Variants in PCDHGA6 observed in about 807,000 individuals in gnomAD.
PCDHGA6 encodes the protein protocadherin gamma subfamily A, 6.
In PCDHGA6, 41 loss-of-function variants were observed where a neutral mutation model predicts 60.6. That is an observed-to-expected ratio of 0.68 (90% CI 0.53 to 0.88). The LOEUF is 0.88. PCDHGA6 is among the 40% of genes least tolerant of loss of function. PCDHGA6 has a pLI of 0.00. For missense variants in PCDHGA6, 1,312 were observed against 1,203.0 expected (o/e 1.09, Z -1.34); for synonymous variants, 594 against 524.4 (o/e 1.13, Z -1.81).
At chr5:141,470,957 TCCTCCCACCTCAG>T (rs2099244488) in intron 1 of PCDHGA6, among the ~76,000 whole-genome samples, 1 of 152,026 alleles carries the variant, frequency 6.6e-6, no homozygotes, top group South Asian at 2.1e-4. Flanking sequence ...CCTCAAGTGA[TCCTCCCACCTCAG>T]CCTCCCAAAG....
intron 1 of PCDHGA6, chr5:141,399,730 T>G: frequency 2.5e-6 from 4 of 1,613,266 alleles, no homozygotes; most frequent in Non-Finnish European, 8.5e-7. Context: ...CGACCAGGGC[T>G]CGCCTGCGCT....
Position 141,511,002 on chromosome 5 carries a change from C to A in PCDHGA6, c.2628C>A (p.Ser876Arg), listed in dbSNP as rs143630962. The change falls in exon 4 of 4, where the codon AGC becomes AGA. Residue 876 changes from serine to arginine, a missense_variant. Physicochemically the swap from Ser to Arg is moderately radical, Grantham distance 110. Transcript: ENST00000517434. Reference protein sequence around the residue: ...LGGGAGTMGLSARYGPQFTLQ... With the variant: ...LGGGAGTMGLRARYGPQFTLQ... ...GGGGTGCCGGCACCATGGGATTGAG[C>A]GCCCGCTACGGACCCCAGTTCACCC... The A allele has an allele frequency of 8.7e-6, 14 of 1,614,140 alleles. No homozygotes were observed. The highest frequency in any genetic ancestry group is 1.2e-5 in the Non-Finnish European group (14 of 1,180,018).
intron 1 of PCDHGA6, chr5:141,399,623 C>A: frequency 6.2e-7 from 1 of 1,613,920 alleles, no homozygotes; most frequent in South Asian, 1.1e-5. Context: ...GCACTGGCCT[C>A]TTACGTGTCC....
In PCDHGA6 at chr5:141,419,638, C is replaced by T. The variant is rs191182165; in HGVS notation, c.2424+43131C>T. On this transcript the variant is annotated intron_variant, in intron 1 of 3. Coordinates refer to ENST00000517434, the MANE Select transcript of PCDHGA6 (RefSeq NM_018919.3). Reference sequence around the variant, plus strand: ...GCTACCTGGTGACCAAGGTGGTGGCCGTGGACGCGGACTCGGGGCACAATG... The same window carrying T: ...GCTACCTGGTGACCAAGGTGGTGGCTGTGGACGCGGACTCGGGGCACAATG... The T allele has an allele frequency of 4.9e-3, 7,979 of 1,612,456 alleles. 44 individuals are homozygous for T. Among genetic ancestry groups the T allele is most frequent in the Admixed American group, 9.5e-3 (568 of 60,000 alleles).
chr5:141,430,480 A>G (rs2097288752), intron 1 of PCDHGA6: 1 of 256,116 alleles, frequency 3.9e-6, no homozygotes, highest in Admixed American at 5.4e-5. Context: ...TTAAGATATA[A>G]AAACGAAATA....
At position 141,477,068 on chromosome 5, in the gene PCDHGA6, C is replaced by A; in HGVS notation, c.2425-17739C>A. 6.2e-7 allele frequency: 1 copy of A among 1,614,268 alleles called. No homozygotes were observed. The highest frequency in any genetic ancestry group is 8.5e-7 in the Non-Finnish European group (1 of 1,180,046). On this transcript the variant is annotated intron_variant, in intron 1 of 3. Transcript: ENST00000517434. This position sits in a 1 kb window ranked among gnomAD's most constrained non-coding sequence, Gnocchi z 4.9. ...GCTGGACTTCGAGGACACCAAACTCCATGAGATTTACATCCAGGCCAAAGA... is the reference window on the plus strand; with the variant it reads ...GCTGGACTTCGAGGACACCAAACTCAATGAGATTTACATCCAGGCCAAAGA...
intron 1 of PCDHGA6, among the ~76,000 whole-genome samples, chr5:141,455,959 G>T (rs112864392): frequency 0.11 from 16,680 of 150,504 alleles, 1,459 homozygotes; most frequent in African/African-American, 0.24. Context: ...GTGCAGTGGC[G>T]CGATCTCAGC....
Position 141,414,015 on chromosome 5 carries a change from A to T in PCDHGA6, c.2424+37508A>T. ...ACAGGGACGAAGGTGCCAATGGAGA[A>T]GTGACATATTCATTCCGAAAATTAC... On this transcript the variant is annotated intron_variant, in intron 1 of 3. Coordinates refer to ENST00000517434, the MANE Select transcript of PCDHGA6 (RefSeq NM_018919.3). 6.2e-7 allele frequency: 1 copy of T among 1,613,160 alleles called. No individual in the cohort carries two copies.
At chr5:141,498,346 C>T (rs780832000) in intron 2 of PCDHGA6, among the ~76,000 whole-genome samples, 1 of 150,796 alleles carries the variant, frequency 6.6e-6, no homozygotes, top group Non-Finnish European at 1.5e-5. Context: ...ATGGGAAAAG[C>T]CTATGCAAAA....
rs372054375 is a variant in PCDHGA6, at chr5:141,490,825, A to T, written c.2425-3982A>T. 9 of 1,613,692 alleles carry T rather than the reference A, an allele frequency of 5.6e-6. No individual in the cohort carries two copies. The highest frequency in any genetic ancestry group is 3.3e-4 in the Middle Eastern group (2 of 6,062). On this transcript the variant is annotated intron_variant, in intron 1 of 3. Transcript: ENST00000517434. This position sits in a 1 kb window ranked among gnomAD's most constrained non-coding sequence, Gnocchi z 5.4. ...TACCTTTGACTATGAATTGCTGCAG[A>T]TGCTGCAGATTGTGGTGGGGGTTCG... is the stretch of plus-strand genomic sequence containing the variant.
At chr5:141,409,893 A>G in intron 1 of PCDHGA6, 2 of 1,613,138 alleles carry the variant, frequency 1.2e-6, no homozygotes, top group Middle Eastern at 3.3e-4. Flanking sequence ...CGGGTGCTGT[A>G]CCCAGCTCTG....
chr5:141,487,661 C>A lies in PCDHGA6; in HGVS notation c.2425-7146C>A. ...ACAAATGCTTGAGGGTTATTCTGATCCAGGCATATGGCTAGGCCATGTCCT... is the reference window on the plus strand; with the variant it reads ...ACAAATGCTTGAGGGTTATTCTGATACAGGCATATGGCTAGGCCATGTCCT... On this transcript the variant is annotated intron_variant, in intron 1 of 3. Transcript: ENST00000517434. This position sits in a 1 kb window ranked among gnomAD's most constrained non-coding sequence, Gnocchi z 5.0. The A allele has an allele frequency of 6.2e-7, 1 of 1,613,366 alleles. No homozygotes were observed. Among genetic ancestry groups the A allele is most frequent in the Non-Finnish European group, 8.5e-7 (1 of 1,179,646 alleles).
At chr5:141,507,009 C>T (rs988626142) in intron 3 of PCDHGA6, 1 of 152,154 alleles carries the variant, frequency 6.6e-6, no homozygotes, top group South Asian at 2.1e-4. Context: ...ATGAGAGAAC[C>T]GAGAAGGCAC....
At chr5:141,391,248 A>G (rs1561633877) in intron 1 of PCDHGA6, 1 of 152,120 alleles carries the variant, frequency 6.6e-6, no homozygotes, top group Non-Finnish European at 1.5e-5. Context: ...TATCTAAGCA[A>G]CTGCTTCAGT....
intron 1 of PCDHGA6, chr5:141,378,346 A>T (rs761383288): frequency 2.0e-5 from 3 of 152,252 alleles, no homozygotes; most frequent in Non-Finnish European, 2.9e-5. Context: ...AACATGGTGA[A>T]ACCCCGTCTC....
intron 1 of PCDHGA6, among the ~76,000 whole-genome samples, chr5:141,464,794 A>C (rs2154568597): frequency 6.6e-6 from 1 of 152,128 alleles, no homozygotes; most frequent in East Asian, 1.9e-4. Flanking sequence ...GCCAAATTGC[A>C]GTGATGCAGT....
At chr5:141,502,139 C>G (rs923501238) in intron 2 of PCDHGA6, among the ~76,000 whole-genome samples, 1 of 152,104 alleles carries the variant, frequency 6.6e-6, no homozygotes, top group Non-Finnish European at 1.5e-5. Flanking sequence ...TCAGTCGGGC[C>G]GGAAGTAAGG....
At chr5:141,443,090 C>T (rs1403922939) in intron 1 of PCDHGA6, among the ~76,000 whole-genome samples, 3 of 151,926 alleles carry the variant, frequency 2.0e-5, no homozygotes, top group Non-Finnish European at 2.9e-5. Context: ...TTCCAGTCTC[C>T]TTCTCAAGCT....
At chr5:141,484,468 C>T (rs2099596877) in intron 1 of PCDHGA6, among the ~76,000 whole-genome samples, 1 of 152,200 alleles carries the variant, frequency 6.6e-6, no homozygotes, top group South Asian at 2.1e-4. Context: ...ATGTGTAAGC[C>T]TTTTCTGCAA....
Sources: allele counts gnomAD v4.1 joint callset (sites outside exome capture counted in the v4.1 genomes callset), GRCh38; gene constraint gnomAD v4.1.1; non-coding constraint Gnocchi (gnomAD v3.1); transcripts MANE v1.5; gene names NCBI Gene and HGNC (gene_info 2026-07-23, HGNC 2026-07-21).